Variants in EXOC5 observed in about 807,000 individuals in gnomAD.
EXOC5 encodes exocyst complex component 5.
A neutral mutation model predicts 90.8 loss-of-function variants in EXOC5; 17 were observed. That is an observed-to-expected ratio of 0.19 (90% CI 0.13 to 0.28). The LOEUF (loss-of-function observed/expected upper bound fraction) is 0.28, where lower values mean the gene tolerates loss of function less well. Ranked by LOEUF, EXOC5 falls within the 10% of genes least tolerant of loss-of-function variation. EXOC5 has a pLI of 1.00. For missense variants in EXOC5, 569 were observed against 830.6 expected (o/e 0.69, Z 3.87); for synonymous variants, 260 against 270.0 (o/e 0.96, Z 0.36).
Position 57,206,700 on chromosome 14 carries a change from G to T in EXOC5, c.*1909C>A, listed in dbSNP as rs1021956761. ...CGGACATAATAGAAAATATTGCACAGAACTCAAACATGAAAATAATAAACA... is the reference window on the plus strand; with the variant it reads ...CGGACATAATAGAAAATATTGCACATAACTCAAACATGAAAATAATAAACA... On this transcript the variant is annotated 3_prime_UTR_variant, in exon 18 of 18. Transcript: ENST00000621441. 7.9e-5 allele frequency: 12 copies of T among 152,204 alleles called. No individual in the cohort carries two copies. Among genetic ancestry groups the T allele is most frequent in the African/African-American group, 2.9e-4 (12 of 41,344 alleles). 9.4% of individuals were successfully genotyped at this position (152,204 alleles called of 1,614,324 possible). A position where few individuals can be genotyped will look rare whatever the true frequency, so the allele number is the denominator to read the frequency against.
chr14:57,259,345 C>T (rs1481274422), intron 1 of EXOC5, among the ~76,000 whole-genome samples: 1 of 152,138 alleles, frequency 6.6e-6, no homozygotes, highest in East Asian at 1.9e-4. Flanking sequence ...GTGATCTGCC[C>T]GCCTCAGTCT....
chr14:57,233,646 AC>A (rs1883553743), intron 9 of EXOC5, 96 bp downstream of exon 9: 6 of 727,486 alleles, frequency 8.2e-6, no homozygotes, highest in Non-Finnish European at 1.1e-5. Context: ...TAAGGTCATT[AC>A]ATAAGTAAAC....
intron 5 of EXOC5, among the ~76,000 whole-genome samples, chr14:57,239,224 C>G (rs1031044694): frequency 3.9e-5 from 6 of 152,154 alleles, no homozygotes; most frequent in Non-Finnish European, 1.5e-5. Context: ...TAAGAACCTT[C>G]ATCAGGAAAT....
chr14:57,232,836 C>T, intron 9 of EXOC5, 87 bp from the exon 10 acceptor site: 1 of 632,394 alleles, frequency 1.6e-6, no homozygotes, highest in Non-Finnish European at 2.7e-6. Context: ...AAATTCACTC[C>T]ACAGTTTTGA....
chr14:57,254,406 G>C (rs916254723), intron 1 of EXOC5, among the ~76,000 whole-genome samples: 3 of 151,318 alleles, frequency 2.0e-5, no homozygotes, highest in African/African-American at 7.3e-5. Flanking sequence ...CTGCACTCCA[G>C]CCTGGGTAAC....
chr14:57,241,880 T>G (rs999667981), intron 4 of EXOC5, among the ~76,000 whole-genome samples: 3 of 152,052 alleles, frequency 2.0e-5, no homozygotes, highest in Non-Finnish European at 2.9e-5. Flanking sequence ...ATGCCTGTAA[T>G]CCCAGCACTT....
At position 57,268,895 on chromosome 14, in the gene EXOC5, G is replaced by C. The variant is rs1489273431; in HGVS notation, c.-247C>G. 9.9e-7 allele frequency: 1 copy of C among 1,008,420 alleles called. No individual in the cohort carries two copies. 62.5% of individuals were successfully genotyped at this position (1,008,420 alleles called of 1,614,324 possible). A position where few individuals can be genotyped will look rare whatever the true frequency, so the allele number is the denominator to read the frequency against. On this transcript the variant is annotated 5_prime_UTR_variant, in exon 1 of 18. Coordinates refer to ENST00000621441, the MANE Select transcript of EXOC5 (RefSeq NM_006544.4). ...CCCATTGTCACCGCCTCATACGCCG[G>C]AAGTGGAACTGCGCGCGCCAGGGAG...
At chr14:57,265,899 T>G (rs866885765) in intron 1 of EXOC5, among the ~76,000 whole-genome samples, 83 of 152,346 alleles carry the variant, frequency 5.4e-4, no homozygotes, top group African/African-American at 1.9e-3. Flanking sequence ...TAAGAAGGTA[T>G]TCTGAGAAAC....
chr14:57,204,688 A>G lies in EXOC5; in HGVS notation c.*3921T>C, dbSNP rs1882595809. On this transcript the variant is annotated 3_prime_UTR_variant, in exon 18 of 18. Transcript: ENST00000621441. ...TGGAAAAGTATATAAAATAATACCA[A>G]TAAAGATTTGTGATAGACATATTTC... 6.6e-6 allele frequency: 1 copy of G among 152,496 alleles called. No individual in the cohort carries two copies. The highest frequency in any genetic ancestry group is 1.5e-5 in the Non-Finnish European group (1 of 67,926). The allele number at this position is 152,496 out of a possible 1,614,324, so 9.4% of individuals were successfully genotyped here.
At chr14:57,222,822 C>A (rs892311985) in intron 12 of EXOC5, among the ~76,000 whole-genome samples, 5 of 151,138 alleles carry the variant, frequency 3.3e-5, no homozygotes, top group African/African-American at 4.9e-5. Flanking sequence ...CATACATACA[C>A]AGGGCTAACA....
chr14:57,218,291 G>A (rs1883029539), intron 14 of EXOC5, among the ~76,000 whole-genome samples: 1 of 151,984 alleles, frequency 6.6e-6, no homozygotes, highest in South Asian at 2.1e-4. Flanking sequence ...CCGATTAAAA[G>A]GGAAGGAAGA....
At chr14:57,259,528 C>T (rs1473922069) in intron 1 of EXOC5, among the ~76,000 whole-genome samples, 1 of 152,186 alleles carries the variant, frequency 6.6e-6, no homozygotes, top group Non-Finnish European at 1.5e-5. Flanking sequence ...GCCCATGCTA[C>T]TCCTGCTTCC....
chr14:57,229,623 T>C (rs1883416070), intron 12 of EXOC5, 111 bp downstream of exon 12: 2 of 573,374 alleles, frequency 3.5e-6, no homozygotes, highest in South Asian at 5.3e-5. Flanking sequence ...ACACTTTATA[T>C]AGCAGACTTG....
chr14:57,215,751 C>G (rs1456828913), intron 15 of EXOC5, among the ~76,000 whole-genome samples: 1 of 152,152 alleles, frequency 6.6e-6, no homozygotes, highest in Non-Finnish European at 1.5e-5. Context: ...CAAAGCTTTT[C>G]CTCTAACATC....
At chr14:57,224,058 G>C (rs369921616) in intron 12 of EXOC5, among the ~76,000 whole-genome samples, 6 of 152,180 alleles carry the variant, frequency 3.9e-5, no homozygotes, top group African/African-American at 1.4e-4. Context: ...TGCAGCTAAA[G>C]TAGTATTTAC....
intron 12 of EXOC5, among the ~76,000 whole-genome samples, chr14:57,223,780 A>T (rs1363581376): frequency 1.3e-5 from 2 of 152,174 alleles, no homozygotes; most frequent in African/African-American, 4.8e-5. Context: ...TTTCAAGTGC[A>T]TACAAAAAAG....
intron 15 of EXOC5, among the ~76,000 whole-genome samples, chr14:57,211,256 T>G (rs1235189955): frequency 6.6e-6 from 1 of 152,192 alleles, no homozygotes; most frequent in African/African-American, 2.4e-5. Context: ...TGGAACCATT[T>G]TGGCTATTTC....
rs1210367144 is a variant in EXOC5 at position 57,231,532 on chromosome 14, A to G, written c.1122T>C (p.His374=). The part of the protein sequence containing the change: ...ILQRYYDSKN[H]QKRSIGTGGI... ...CTCCTGTGCCAATGGATCTCTTTTG[A>G]TGGTTTTTCGAATCATAATAGCGCT... is the stretch of plus-strand genomic sequence containing the variant. The change falls in exon 11 of 18, where the codon CAT becomes CAC. Residue 374 remains histidine, a synonymous_variant. Transcript: ENST00000621441. 4 of 1,611,028 alleles carry G rather than the reference A, an allele frequency of 2.5e-6. No homozygotes were observed. Among genetic ancestry groups the G allele is most frequent in the South Asian group, 1.1e-5 (1 of 90,726 alleles).
chr14:57,268,614 G>A lies in EXOC5; in HGVS notation c.27+8C>T, dbSNP rs1443120313. The A allele has an allele frequency of 6.3e-7, 1 of 1,589,944 alleles. No individual in the cohort carries two copies. The highest frequency in any genetic ancestry group is 1.1e-5 in the South Asian group (1 of 88,198). ...CCTGCCACTCCCTGTAGAGCCGCCGGGGCCCACCTCGAAGAGCTCGGCCGT... is the reference window on the plus strand; with the variant it reads ...CCTGCCACTCCCTGTAGAGCCGCCGAGGCCCACCTCGAAGAGCTCGGCCGT... On this transcript the variant is annotated splice_region_variant and intron_variant, in intron 1 of 17. Transcript: ENST00000621441.
Sources: gnomAD v4.1 joint callset for allele counts (sites outside exome capture counted in the v4.1 genomes callset) on GRCh38, gnomAD v4.1.1 for gene constraint, MANE v1.5 for transcripts, NCBI Gene and HGNC (gene_info 2026-07-23, HGNC 2026-07-21) for gene names.